RCAN2: variants seen among roughly 807,000 people sequenced by gnomAD.
RCAN2 encodes the protein calcipressin-2.
A neutral mutation model predicts 23.6 loss-of-function variants in RCAN2; 9 were observed. That is an observed-to-expected ratio of 0.38 (90% CI 0.23 to 0.67). RCAN2 has a LOEUF of 0.67. Among genes scored for constraint, RCAN2 ranks in the 30% least tolerant of loss-of-function variants. The pLI, the probability that RCAN2 is intolerant of heterozygous loss-of-function variation, is 0.51. For missense variants in RCAN2, 273 were observed against 302.3 expected (o/e 0.90, Z 0.72); for synonymous variants, 109 against 115.7 (o/e 0.94, Z 0.37).
chr6:46,486,901 G>T (rs1444198438), intron 1 of RCAN2, among the ~76,000 whole-genome samples: 1 of 152,164 alleles, frequency 6.6e-6, no homozygotes, highest in African/African-American at 2.4e-5. Context: ...ATTTTTAAGG[G>T]ATTTTTGAAG....
At chr6:46,307,838 T>C (rs553882662) in intron 2 of RCAN2, among the ~76,000 whole-genome samples, 2 of 152,276 alleles carry the variant, frequency 1.3e-5, no homozygotes, top group South Asian at 2.1e-4. Context: ...AAATCCTCTA[T>C]TGAAAATCTT....
At chr6:46,226,984 T>C (rs1339103783) in intron 4 of RCAN2, among the ~76,000 whole-genome samples, 1 of 152,100 alleles carries the variant, frequency 6.6e-6, no homozygotes, top group Admixed American at 6.6e-5. Context: ...TTATTGAGAG[T>C]TTTTAGCATG....
At chr6:46,234,891 G>C (rs1766036900) in intron 4 of RCAN2, among the ~76,000 whole-genome samples, 1 of 152,116 alleles carries the variant, frequency 6.6e-6, no homozygotes, top group South Asian at 2.1e-4. Context: ...GGGAGTGAGG[G>C]TGCCCATGGG....
intron 2 of RCAN2, among the ~76,000 whole-genome samples, chr6:46,453,245 G>A (rs1241922832): frequency 2.0e-5 from 3 of 152,140 alleles, no homozygotes; most frequent in Non-Finnish European, 2.9e-5. Context: ...TTTTAAATGT[G>A]TTTCATACAA....
chr6:46,443,648 A>G (rs1276830544), intron 2 of RCAN2, among the ~76,000 whole-genome samples: 1 of 152,190 alleles, frequency 6.6e-6, no homozygotes, highest in East Asian at 1.9e-4. Context: ...AATTTTGAAC[A>G]TTACATAAAT....
chr6:46,260,268 A>C (rs968106961), intron 2 of RCAN2, among the ~76,000 whole-genome samples: 2 of 152,168 alleles, frequency 1.3e-5, no homozygotes, highest in Admixed American at 6.5e-5. Flanking sequence ...AACAGGGAGG[A>C]AGACAAAAAA....
Position 46,327,029 on chromosome 6 carries a change from A to G in RCAN2, c.226-78133T>C, listed in dbSNP as rs367654869. Among the ~76,000 whole-genome samples, 17 of 152,368 alleles carry G rather than the reference A, an allele frequency of 1.1e-4. No homozygotes were observed. In the East Asian group the frequency reaches 1.7e-3, roughly 16 times the overall value. ...GACACTGTGGGAAATATTAAGTCAT[A>G]TATGCATATAATCCAACTAATATCA... On this transcript the variant is annotated intron_variant, in intron 2 of 4. Coordinates refer to ENST00000371374, the MANE Select transcript of RCAN2 (RefSeq NM_001251974.2).
Position 46,456,843 on chromosome 6 carries a change from G to A in RCAN2, c.134C>T (p.Ala45Val). 3 of 1,550,676 alleles carry A rather than the reference G, an allele frequency of 1.9e-6. No individual in the cohort carries two copies. Among genetic ancestry groups the A allele is most frequent in the Non-Finnish European group, 2.6e-6 (3 of 1,146,956 alleles). The stretch of plus-strand genomic sequence containing the variant: ...ATTGAAGTCAGTGATTGCTTGAAAG[G>A]CTTCTTCTGCAAAACAACGAGTGAC... ...WAVTRCFAEE[A>V]FQAITDFNDL... Residue 45 changes from alanine (A) to valine (V), a missense_variant, in exon 2 of 5, where the codon GCC (alanine) becomes GTC (valine). By Grantham distance (64) the Ala-to-Val change is moderately conservative (BLOSUM62 0). Transcript: ENST00000371374.
Position 46,223,164 on chromosome 6 carries a change from GGCCAGGAC to G in RCAN2, c.701_708del (p.Arg234ProfsTer81), listed in dbSNP as rs1286356352. 6.2e-7 allele frequency: 1 copy of G among 1,613,522 alleles called. No individual in the cohort carries two copies. On this transcript the variant is annotated frameshift_variant, in exon 5 of 5. Coordinates refer to ENST00000371374, the MANE Select transcript of RCAN2 (RefSeq NM_001251974.2). LOFTEE classifies it high-confidence loss of function. Reference sequence around the variant, plus strand: ...GCTCAGTTGGACACGGAGGGTGGCAGGCCAGGACGCCGAGTTTGGATGATTTTTGGCTT... The same window carrying G: ...GCTCAGTTGGACACGGAGGGTGGCAGGCCGAGTTTGGATGATTTTTGGCTT...
chr6:46,376,591 A>T (rs544988247), intron 2 of RCAN2, among the ~76,000 whole-genome samples: 40 of 152,276 alleles, frequency 2.6e-4, no homozygotes, highest in African/African-American at 9.4e-4. Context: ...GAGGCAGAAG[A>T]ATCGCTTGAA....
intron 2 of RCAN2, among the ~76,000 whole-genome samples, chr6:46,289,035 T>C (rs555667269): frequency 6.6e-6 from 1 of 152,194 alleles, no homozygotes; most frequent in African/African-American, 2.4e-5. Flanking sequence ...ATTTCTGTCA[T>C]GGGGCTACAT....
intron 2 of RCAN2, among the ~76,000 whole-genome samples, chr6:46,377,827 G>C (rs1765518962): frequency 6.6e-6 from 1 of 152,128 alleles, no homozygotes; most frequent in African/African-American, 2.4e-5. Flanking sequence ...AAAGACCTGA[G>C]TTCAAACCCA....
At chr6:46,338,941 G>A (rs1234873125) in intron 2 of RCAN2, among the ~76,000 whole-genome samples, 1 of 117,470 alleles carries the variant, frequency 8.5e-6, no homozygotes, top group African/African-American at 2.5e-5. Context: ...CTTGAACCCA[G>A]GAGGTGGAGG....
chr6:46,475,351 C>A (rs980253972), intron 1 of RCAN2, among the ~76,000 whole-genome samples: 5 of 152,108 alleles, frequency 3.3e-5, no homozygotes, highest in Non-Finnish European at 7.3e-5. Context: ...AGCAGCAATT[C>A]CATTTTTTAA....
intron 2 of RCAN2, among the ~76,000 whole-genome samples, chr6:46,364,908 C>T (rs994656960): frequency 6.6e-6 from 1 of 152,134 alleles, no homozygotes; most frequent in African/African-American, 2.4e-5. Context: ...TTGAACCAGC[C>T]AGGTACTCAC....
chr6:46,254,043 G>A (rs377287172), intron 2 of RCAN2, among the ~76,000 whole-genome samples: 5 of 152,160 alleles, frequency 3.3e-5, no homozygotes, highest in East Asian at 1.9e-4. Context: ...GAGGTTAAGC[G>A]ACACATGACT....
Position 46,389,641 on chromosome 6 carries a change from T to A in RCAN2, c.225+67111A>T, listed in dbSNP as rs1765870469. Among the ~76,000 whole-genome samples the A allele has an allele frequency of 2.6e-5, 4 of 152,224 alleles. 1 individual carries two copies. In the South Asian group the frequency reaches 8.3e-4, roughly 32 times the overall value. On this transcript the variant is annotated intron_variant, in intron 2 of 4. Transcript: ENST00000371374. The stretch of plus-strand genomic sequence containing the variant: ...TGTTTGTCAGACTATTATATAGGTG[T>A]TCTGGAGCTGGTTATGCTATGTGGC...
intron 1 of RCAN2, among the ~76,000 whole-genome samples, chr6:46,461,316 C>T (rs1038001242): frequency 6.6e-6 from 1 of 152,080 alleles, no homozygotes. Context: ...CACATTGTAT[C>T]CCAGTGTATG....
At chr6:46,452,597 C>T (rs1331521998) in intron 2 of RCAN2, among the ~76,000 whole-genome samples, 1 of 152,102 alleles carries the variant, frequency 6.6e-6, no homozygotes, top group African/African-American at 2.4e-5. Flanking sequence ...TTTCTGCTTA[C>T]ACATTGGGTA....
Sources: gnomAD v4.1 joint callset for allele counts (sites outside exome capture counted in the v4.1 genomes callset) on GRCh38, gnomAD v4.1.1 for gene constraint, MANE v1.5 for transcripts, NCBI Gene and HGNC (gene_info 2026-07-23, HGNC 2026-07-21) for gene names.